EYS: variants seen among roughly 807,000 people sequenced by gnomAD.
EYS encodes EGF-like photoreceptor maintenance factor.
Under a neutral mutation model 282.1 loss-of-function variants are expected in EYS, and 250 were observed. That is an observed-to-expected ratio of 0.89 (90% CI 0.80 to 0.98). The LOEUF is 0.98. Among genes scored for constraint, EYS ranks in the 50% least tolerant of loss-of-function variants. The pLI is 0.00. For missense variants in EYS, 4,016 were observed against 3,709.0 expected (o/e 1.08, Z -2.15); for synonymous variants, 1,355 against 1,282.9 (o/e 1.06, Z -1.20).
At chr6:64,750,868 G>C (rs554077648) in intron 22 of EYS, among the ~76,000 whole-genome samples, 1 of 152,258 alleles carries the variant, frequency 6.6e-6, no homozygotes, top group South Asian at 2.1e-4. Context: ...AGAAAAGTAG[G>C]AGCCCCAGTA....
intron 35 of EYS, among the ~76,000 whole-genome samples, chr6:63,870,604 GA>G (rs1332794192): frequency 2.6e-5 from 4 of 151,940 alleles, no homozygotes; most frequent in African/African-American, 7.3e-5. Flanking sequence ...TTTTGAGTTG[GA>G]AAAAAAGCAA....
At chr6:64,002,626 C>T (rs956384741) in intron 33 of EYS, among the ~76,000 whole-genome samples, 1 of 152,152 alleles carries the variant, frequency 6.6e-6, no homozygotes, top group Admixed American at 6.5e-5. Flanking sequence ...GGTGACCAAA[C>T]AGGGGAGGCA....
intron 31 of EYS, among the ~76,000 whole-genome samples, chr6:64,085,333 TGC>T (rs753577559): frequency 2.3e-5 from 3 of 130,150 alleles, no homozygotes; most frequent in South Asian, 2.4e-4. Flanking sequence ...CGTGCGCACG[TGC>T]GCGCGCACAC....
intron 30 of EYS, among the ~76,000 whole-genome samples, chr6:64,240,788 G>C (rs563767893): frequency 6.6e-6 from 1 of 152,100 alleles, no homozygotes; most frequent in Admixed American, 6.5e-5. Context: ...CCAATACTAC[G>C]TTGAATAGGG....
chr6:65,329,255 CAT>C, intron 11 of EYS: 1 of 634,646 alleles, frequency 1.6e-6, no homozygotes, highest in Non-Finnish European at 2.0e-6. Context: ...AATTTCAACC[CAT>C]ATGAAACTTG....
intron 22 of EYS, among the ~76,000 whole-genome samples, chr6:64,659,348 A>G (rs980611967): frequency 2.1e-5 from 3 of 144,604 alleles, no homozygotes; most frequent in Admixed American, 1.4e-4. Flanking sequence ...GAGCAAACAC[A>G]TTCAAAAGCT....
chr6:65,045,212 A>G (rs1400154184), intron 13 of EYS, among the ~76,000 whole-genome samples: 1 of 151,864 alleles, frequency 6.6e-6, no homozygotes, highest in East Asian at 1.9e-4. Context: ...TAAGTCCACA[A>G]TATCTTAGAT....
At chr6:64,545,086 A>T (rs1301713159) in intron 26 of EYS, among the ~76,000 whole-genome samples, 1 of 152,214 alleles carries the variant, frequency 6.6e-6, no homozygotes, top group East Asian at 1.9e-4. Flanking sequence ...ATTTTAGACC[A>T]ATATCCCTGA....
intron 5 of EYS, among the ~76,000 whole-genome samples, chr6:65,435,260 T>G (rs1043421995): frequency 1.3e-5 from 2 of 152,034 alleles, no homozygotes; most frequent in Admixed American, 6.6e-5. Flanking sequence ...CAATGTAATA[T>G]TAATTATTTA....
At chr6:64,675,428 C>CTTTTTTTTTTTTTTTTTTTTTTTTTTTTT (rs56346431) in intron 22 of EYS, among the ~76,000 whole-genome samples, 1 of 114,626 alleles carries the variant, frequency 8.7e-6, no homozygotes, top group Non-Finnish European at 1.7e-5. Flanking sequence ...CTTTTTTTTT[C>CTTTTTTTTTTTTTTTTTTTTTTTTTTTTT]TTTTTTTTTT....
intron 7 of EYS, among the ~76,000 whole-genome samples, chr6:65,402,222 TAAAC>T (rs1012238836): frequency 1.4e-4 from 21 of 151,854 alleles, no homozygotes; most frequent in Admixed American, 3.9e-4. Flanking sequence ...CCTCCATTAT[TAAAC>T]AAAGTATTTT....
intron 15 of EYS, among the ~76,000 whole-genome samples, chr6:64,916,872 A>G (rs1305591683): frequency 6.6e-6 from 1 of 152,222 alleles, no homozygotes; most frequent in African/African-American, 2.4e-5. Context: ...ACTTCTAAGG[A>G]CAACTTTTCA....
intron 19 of EYS, among the ~76,000 whole-genome samples, chr6:64,840,596 T>C (rs1257759101): frequency 2.6e-5 from 4 of 152,128 alleles, no homozygotes; most frequent in Admixed American, 6.6e-5. Context: ...GATTCATTTG[T>C]TGTGGATAAC....
At chr6:63,836,898 A>G (rs1337966673) in intron 36 of EYS, among the ~76,000 whole-genome samples, 1 of 152,220 alleles carries the variant, frequency 6.6e-6, no homozygotes. Context: ...ACATAAAGAT[A>G]ACTAAGACAT....
intron 13 of EYS, among the ~76,000 whole-genome samples, chr6:65,056,692 A>G (rs1352213875): frequency 2.6e-5 from 4 of 152,074 alleles, no homozygotes; most frequent in Non-Finnish European, 4.4e-5. Context: ...TTGATATCCC[A>G]CCTGCCCAAG....
chr6:64,262,266 T>A (rs1767613897), intron 30 of EYS, among the ~76,000 whole-genome samples: 1 of 151,912 alleles, frequency 6.6e-6, no homozygotes, highest in Non-Finnish European at 1.5e-5. Context: ...ACTAATTTCA[T>A]TTGCTAGTTT....
chr6:64,712,373 A>G (rs1771242989), intron 22 of EYS, among the ~76,000 whole-genome samples: 1 of 152,214 alleles, frequency 6.6e-6, no homozygotes, highest in Non-Finnish European at 1.5e-5. Flanking sequence ...AATCTACTTC[A>G]GAAAGATAGC....
chr6:64,161,900 T>C (rs772860035), intron 31 of EYS, among the ~76,000 whole-genome samples: 26 of 152,222 alleles, frequency 1.7e-4, no homozygotes, highest in Non-Finnish European at 2.6e-4. Flanking sequence ...AGTTTGTTTA[T>C]GTGAATATTA....
chr6:65,654,978 TAAAAAAAA>T lies in EYS; in HGVS notation c.-447-15094_-447-15087del, dbSNP rs36088825. On this transcript the variant is annotated intron_variant, in intron 1 of 42. Coordinates refer to ENST00000503581, the MANE Select transcript of EYS (RefSeq NM_001142800.2). The stretch of plus-strand genomic sequence containing the variant: ...TTCCTGAAGAGTCTGGGTCATTCAT[TAAAAAAAA>T]AAAAAAAAAAAAAAATGTTTGTCCA... Among the ~76,000 whole-genome samples, 15 of 99,902 alleles carry T rather than the reference TAAAAAAAA, an allele frequency of 1.5e-4. No individual in the cohort carries two copies. The East Asian group carries it at 3.9e-3, about 26-fold the overall frequency. The allele number at this position is 99,902 out of a possible 152,430, so 65.5% of individuals were successfully genotyped here.
Sources: gnomAD v4.1 joint callset for allele counts (sites outside exome capture counted in the v4.1 genomes callset) on GRCh38, gnomAD v4.1.1 for gene constraint, MANE v1.5 for transcripts, NCBI Gene and HGNC (gene_info 2026-07-23, HGNC 2026-07-21) for gene names.